The following ELF5 variants were observed in gnomAD, a reference collection of about 807,000 sequenced individuals.
ELF5 encodes the protein ETS-related transcription factor Elf-5.
Under a neutral mutation model 38.2 loss-of-function variants are expected in ELF5, and 31 were observed. The ratio of observed to expected loss-of-function variants is 0.81; its 90% CI spans 0.61 to 1.10. The LOEUF (loss-of-function observed/expected upper bound fraction) is 1.10. Ranked by LOEUF, ELF5 falls within the 50% of genes least tolerant of loss-of-function variation. The pLI is 0.00. For missense variants in ELF5, 300 were observed against 306.6 expected, an observed-to-expected ratio of 0.98 and a Z score of 0.16; for synonymous variants, 121 against 112.5, an observed-to-expected ratio of 1.08 and a Z score of -0.48.
At chr11:34,504,233 C>T (rs1315424770) in intron 2 of ELF5, among the ~76,000 whole-genome samples, 1 of 152,226 alleles carries the variant, frequency 6.6e-6, no homozygotes, top group East Asian at 1.9e-4. Flanking sequence ...CAGATTTAAC[C>T]TGTTAACCAA....
At chr11:34,482,396 A>C (rs766549479) in intron 5 of ELF5, 35 bp downstream of exon 5, 27 of 1,593,430 alleles carry the variant, frequency 1.7e-5, no homozygotes, top group Non-Finnish European at 2.2e-5. Context: ...AATGGTTTTA[A>C]GAAATTAGAA....
chr11:34,501,581 C>A (rs1196769272), intron 2 of ELF5, among the ~76,000 whole-genome samples: 1 of 152,116 alleles, frequency 6.6e-6, no homozygotes, highest in Non-Finnish European at 1.5e-5. Flanking sequence ...GCCTCCCCCC[C>A]AACCAACTCT....
rs186452781 is a variant in ELF5, at chr11:34,505,549, T to A, written c.121+80A>T. On this transcript the variant is annotated intron_variant, in intron 2 of 6. Transcript: ENST00000257832. ...GTTCCTAGGCCCCAGCACAGCTTTG[T>A]CTTCCACCTGCGGCCAGCACCACCT... is the stretch of plus-strand genomic sequence containing the variant. The A allele has an allele frequency of 3.6e-4, 581 of 1,594,376 alleles. 2 individuals are homozygous for A. The African/African-American group carries it at 7.3e-3, about 20-fold the overall frequency.
intron 2 of ELF5, among the ~76,000 whole-genome samples, chr11:34,501,605 A>G (rs1195108336): frequency 2.6e-5 from 4 of 152,084 alleles, no homozygotes; most frequent in Non-Finnish European, 5.9e-5. Flanking sequence ...GCCCACTTGG[A>G]TACATTTTCC....
At position 34,498,914 on chromosome 11, in the gene ELF5, A is replaced by T. The variant is rs1478729626; in HGVS notation, c.122-5202T>A. On this transcript the variant is annotated intron_variant, in intron 2 of 6. Transcript: ENST00000257832. ...CAAGACCAGCCTGGCCAACAAGGTG[A>T]AACCCTGTCTCTACTAATAATACAA... Among the ~76,000 whole-genome samples, 3 of 152,072 alleles carry T rather than the reference A, an allele frequency of 2.0e-5. No individual in the cohort carries two copies. The East Asian group carries it at 5.8e-4, about 29-fold the overall frequency.
chr11:34,484,760 T>G (rs577356788), intron 4 of ELF5, among the ~76,000 whole-genome samples: 30 of 152,198 alleles, frequency 2.0e-4, no homozygotes, highest in African/African-American at 6.7e-4. Flanking sequence ...CCCATCCAGA[T>G]CTCCAGTCTT....
intron 3 of ELF5, among the ~76,000 whole-genome samples, chr11:34,491,298 T>C (rs1451921385): frequency 2.6e-5 from 4 of 152,208 alleles, no homozygotes; most frequent in Non-Finnish European, 5.9e-5. Context: ...ACAATATATA[T>C]ATCTCCACAA....
chr11:34,500,050 A>G (rs913428663), intron 2 of ELF5, among the ~76,000 whole-genome samples: 5 of 149,598 alleles, frequency 3.3e-5, no homozygotes, highest in Non-Finnish European at 7.3e-5. Flanking sequence ...TTTTCAGTAT[A>G]AGTCACCTGT....
At chr11:34,507,554 G>A (rs1850640162) in intron 1 of ELF5, among the ~76,000 whole-genome samples, 1 of 152,224 alleles carries the variant, frequency 6.6e-6, no homozygotes, top group South Asian at 2.1e-4. Context: ...CTGGAAGGAA[G>A]GCAGAAAAGA....
chr11:34,491,271 C>T (rs1850164642), intron 3 of ELF5, among the ~76,000 whole-genome samples: 1 of 152,148 alleles, frequency 6.6e-6, no homozygotes, highest in Non-Finnish European at 1.5e-5. Flanking sequence ...AAATGGGAGA[C>T]AGTGTGAACT....
At chr11:34,503,823 G>A (rs1850538116) in intron 2 of ELF5, among the ~76,000 whole-genome samples, 1 of 152,164 alleles carries the variant, frequency 6.6e-6, no homozygotes, top group South Asian at 2.1e-4. Flanking sequence ...CTTCCCATAT[G>A]ATAACTCATT....
At chr11:34,513,352 C>T (rs1339979240) in intron 1 of ELF5, among the ~76,000 whole-genome samples, 1 of 152,236 alleles carries the variant, frequency 6.6e-6, no homozygotes, top group Non-Finnish European at 1.5e-5. Flanking sequence ...AATCCAGCTT[C>T]CCTTCCTAAA....
rs545505897 is a variant in ELF5 at position 34,505,699 on chromosome 11, G to T, written c.51C>A (p.Cys17Ter). Residue 17 changes from cysteine (C) to a stop codon, truncating the protein, a stop_gained, in exon 2 of 7, where the codon TGC becomes TGA. Transcript: ENST00000257832. LOFTEE classifies it high-confidence loss of function. ...GATCAGTCCACGACATCAGGGGATC[G>T]CAGAAGGATGCATTAGGCAGGAAGG... ...HSTFLPNASF[C>*]DPLMSWTDLF... 3 of 1,614,060 alleles carry T rather than the reference G, an allele frequency of 1.9e-6. No individual in the cohort carries two copies. Among genetic ancestry groups the T allele is most frequent in the Non-Finnish European group, 2.5e-6 (3 of 1,179,960 alleles).
chr11:34,488,474 A>G (rs1850068515), intron 4 of ELF5, among the ~76,000 whole-genome samples: 1 of 152,168 alleles, frequency 6.6e-6, no homozygotes. Context: ...GGCTTGTCTC[A>G]TATTGGGAAG....
chr11:34,509,358 C>T (rs984325554), intron 1 of ELF5, among the ~76,000 whole-genome samples: 8 of 152,112 alleles, frequency 5.3e-5, no homozygotes, highest in Non-Finnish European at 7.4e-5. Flanking sequence ...CAAAAACGTG[C>T]ATGAGAACTC....
chr11:34,512,602 A>G (rs1400539290), intron 1 of ELF5, among the ~76,000 whole-genome samples: 1 of 147,684 alleles, frequency 6.8e-6, no homozygotes, highest in Non-Finnish European at 1.5e-5. Flanking sequence ...TTTTTAAATC[A>G]TGCAATCCGA....
intron 4 of ELF5, among the ~76,000 whole-genome samples, chr11:34,483,595 C>A (rs1279814336): frequency 1.3e-5 from 2 of 151,944 alleles, no homozygotes; most frequent in Non-Finnish European, 2.9e-5. Flanking sequence ...CTGTACTATA[C>A]CACACCATAC....
chr11:34,499,312 G>T (rs1306073764), intron 2 of ELF5, among the ~76,000 whole-genome samples: 1 of 152,078 alleles, frequency 6.6e-6, no homozygotes, highest in South Asian at 2.1e-4. Context: ...CTCGAACATG[G>T]CTCACCGCAG....
chr11:34,509,330 A>AAAC (rs965425175), intron 1 of ELF5, among the ~76,000 whole-genome samples: 31 of 151,998 alleles, frequency 2.0e-4, no homozygotes, highest in Admixed American at 1.2e-3. Flanking sequence ...TCTGTCTCGA[A>AAAC]AACAACAACA....
Sources: gnomAD v4.1 joint callset for allele counts (sites outside exome capture counted in the v4.1 genomes callset) on GRCh38, gnomAD v4.1.1 for gene constraint, MANE v1.5 for transcripts, NCBI Gene and HGNC (gene_info 2026-07-23, HGNC 2026-07-21) for gene names.